TMEM150C: variants seen among roughly 807,000 people sequenced by gnomAD.
TMEM150C encodes the protein transmembrane protein 150C, also known as tentonin 3.
Under a neutral mutation model 29.9 loss-of-function variants are expected in TMEM150C, and 10 were observed. That is an observed-to-expected ratio of 0.33 (90% CI 0.21 to 0.57). The LOEUF is 0.57. Among genes scored for constraint, TMEM150C ranks in the 20% least tolerant of loss-of-function variants. The pLI is 0.88. For missense variants in TMEM150C, 251 were observed against 303.6 expected (o/e 0.83, Z 1.29); for synonymous variants, 101 against 112.5 (o/e 0.90, Z 0.64).
At chr4:82,490,355 TGATAG>T in intron 6 of TMEM150C, 117 bp from the exon 7 acceptor site, 13 of 896,302 alleles carry the variant, frequency 1.5e-5, no homozygotes, top group Non-Finnish European at 2.3e-5. Flanking sequence ...AATAATGGGA[TGATAG>T]ATTGCAGAAA....
At chr4:82,512,412 G>A (rs947683214) in intron 1 of TMEM150C, among the ~76,000 whole-genome samples, 1 of 152,122 alleles carries the variant, frequency 6.6e-6, no homozygotes, top group Non-Finnish European at 1.5e-5. Flanking sequence ...AGTCATTATT[G>A]CTTTATTACT....
intron 1 of TMEM150C, among the ~76,000 whole-genome samples, chr4:82,540,114 CTTTTTTTTTTTTTTTTTT>C (rs577728662): frequency 0.011 from 543 of 47,244 alleles, 5 homozygotes; most frequent in Admixed American, 0.021. Context: ...TCTACCTATT[CTTTTTTTTTTTTTTTTTT>C]TTTTTTTTTT....
At chr4:82,507,529 A>C (rs1578131115) in intron 1 of TMEM150C, among the ~76,000 whole-genome samples, 1 of 151,206 alleles carries the variant, frequency 6.6e-6, no homozygotes, top group African/African-American at 2.4e-5. Context: ...AATTCGCAAT[A>C]GAGAAACGAC....
chr4:82,538,837 G>A (rs1414498979), intron 1 of TMEM150C, among the ~76,000 whole-genome samples: 1 of 152,176 alleles, frequency 6.6e-6, no homozygotes, highest in Non-Finnish European at 1.5e-5. Flanking sequence ...GAGGTGGGCA[G>A]ATTGCTTGAG....
rs192407529 is a variant in TMEM150C, at chr4:82,514,230, A to C, written c.-10-9563T>G. Among the ~76,000 whole-genome samples, 5 of 152,324 alleles carry C rather than the reference A, an allele frequency of 3.3e-5. No homozygotes were observed. In the East Asian group the frequency reaches 9.6e-4, roughly 29 times the overall value. On this transcript the variant is annotated intron_variant, in intron 1 of 7. Transcript: ENST00000449862. Reference sequence around the variant, plus strand: ...TTCTGCCGGGGCAAGGGGCCTTCCCATTGCCTGCTGCAGGATCCCAGCCTT... The same window carrying C: ...TTCTGCCGGGGCAAGGGGCCTTCCCCTTGCCTGCTGCAGGATCCCAGCCTT...
chr4:82,516,001 C>A (rs968433540), intron 1 of TMEM150C, among the ~76,000 whole-genome samples: 1 of 152,056 alleles, frequency 6.6e-6, no homozygotes, highest in Non-Finnish European at 1.5e-5. Flanking sequence ...ATTCACAATG[C>A]TGGCTCTCCT....
intron 1 of TMEM150C, among the ~76,000 whole-genome samples, chr4:82,558,058 A>G (rs908226889): frequency 6.6e-5 from 10 of 151,976 alleles, no homozygotes; most frequent in Non-Finnish European, 1.3e-4. Context: ...TAGCAATAGG[A>G]TTATGAAGTC....
chr4:82,509,306 G>A (rs1724041066), intron 1 of TMEM150C, among the ~76,000 whole-genome samples: 1 of 152,104 alleles, frequency 6.6e-6, no homozygotes, highest in Non-Finnish European at 1.5e-5. Context: ...TGTAGCATGA[G>A]GTCTGCAGAG....
intron 1 of TMEM150C, among the ~76,000 whole-genome samples, chr4:82,517,099 G>A (rs753471949): frequency 5.9e-5 from 9 of 152,210 alleles, no homozygotes; most frequent in African/African-American, 1.2e-4. Flanking sequence ...CACACACCTC[G>A]TGAAAGGTGA....
Position 82,538,935 on chromosome 4 carries a change from G to A in TMEM150C, c.-11+22971C>T, listed in dbSNP as rs111589140. Among the ~76,000 whole-genome samples the A allele has an allele frequency of 4.4e-4, 67 of 151,994 alleles. 1 individual carries two copies. In the South Asian group the frequency reaches 4.8e-3, roughly 11 times the overall value. ...ACAAAAATTAGCCAGGTGTGGTGTC[G>A]CACACCTGTAAGTCCTAGCTACTCA... On this transcript the variant is annotated intron_variant, in intron 1 of 7. Transcript: ENST00000449862.
chr4:82,561,693 C>T (rs1189180634), intron 1 of TMEM150C, among the ~76,000 whole-genome samples: 2 of 145,416 alleles, frequency 1.4e-5, no homozygotes, highest in African/African-American at 4.9e-5. Flanking sequence ...AGCGTGCGCC[C>T]GCGGAGGGCT....
At chr4:82,548,896 T>A (rs908447797) in intron 1 of TMEM150C, among the ~76,000 whole-genome samples, 7 of 152,190 alleles carry the variant, frequency 4.6e-5, no homozygotes, top group African/African-American at 1.2e-4. Flanking sequence ...GAGTTTGTGA[T>A]GCTTAGGGAA....
At chr4:82,486,361 A>AAAAAAAAG (rs1553904912) in intron 7 of TMEM150C, among the ~76,000 whole-genome samples, 2 of 150,698 alleles carry the variant, frequency 1.3e-5, no homozygotes, top group African/African-American at 4.9e-5. Flanking sequence ...AAAAAAAAAA[A>AAAAAAAAG]AAGAAGAAAG....
At chr4:82,503,767 G>A (rs965750630) in intron 2 of TMEM150C, among the ~76,000 whole-genome samples, 7 of 151,890 alleles carry the variant, frequency 4.6e-5, no homozygotes, top group Non-Finnish European at 7.4e-5. Context: ...GGAGAATGGC[G>A]TGAACCCAGG....
chr4:82,538,348 G>A (rs540304341), intron 1 of TMEM150C, among the ~76,000 whole-genome samples: 12 of 152,164 alleles, frequency 7.9e-5, no homozygotes, highest in Admixed American at 2.6e-4. Context: ...ATGAGCCGCC[G>A]CACCCAGCCT....
chr4:82,520,429 C>T (rs1481252293), intron 1 of TMEM150C, among the ~76,000 whole-genome samples: 1 of 152,230 alleles, frequency 6.6e-6, no homozygotes, highest in African/African-American at 2.4e-5. Context: ...TCCTCTTTCT[C>T]AGGCCGAAAG....
Position 82,485,746 on chromosome 4 carries a change from C to T in TMEM150C, c.542-27G>A. The T allele has an allele frequency of 2.6e-6, 4 of 1,564,906 alleles. No individual in the cohort carries two copies. In the South Asian group the frequency reaches 3.5e-5, roughly 14 times the overall value. On this transcript the variant is annotated intron_variant, in intron 7 of 7. Coordinates refer to ENST00000449862, the MANE Select transcript of TMEM150C (RefSeq NM_001080506.3). ...TGGGGAGAAGCAGTCAAGGAAAATA[C>T]CCTCATCAGCCACATTAAAACTGGA...
chr4:82,551,915 G>A (rs912629806), intron 1 of TMEM150C, among the ~76,000 whole-genome samples: 16 of 152,144 alleles, frequency 1.1e-4, no homozygotes, highest in South Asian at 4.1e-4. Flanking sequence ...CAATGTTAGC[G>A]GTGGGGACTA....
intron 1 of TMEM150C, among the ~76,000 whole-genome samples, chr4:82,514,471 C>A (rs578088939): frequency 1.4e-3 from 215 of 152,238 alleles, no homozygotes; most frequent in African/African-American, 4.8e-3. Flanking sequence ...ACCCAGCGAC[C>A]ATGGATTTTC....
Sources: allele counts gnomAD v4.1 joint callset (sites outside exome capture counted in the v4.1 genomes callset), GRCh38; gene constraint gnomAD v4.1.1; transcripts MANE v1.5; gene names NCBI Gene and HGNC (gene_info 2026-07-23, HGNC 2026-07-21).